The following PPIG variants were observed in gnomAD, a reference collection of about 807,000 sequenced individuals.
The protein encoded by PPIG is peptidyl-prolyl cis-trans isomerase G.
PPIG carries 26 observed loss-of-function variants against 87.9 expected under a neutral mutation model. The ratio of observed to expected loss-of-function variants is 0.30; its 90% CI spans 0.22 to 0.41. PPIG has a LOEUF of 0.41. PPIG is among the 10% of genes least tolerant of loss of function. The pLI, the probability that PPIG is intolerant of heterozygous loss-of-function variation, is 1.00. For synonymous variants in PPIG, 308 were observed against 276.5 expected (o/e 1.11, Z -1.13); for missense variants, 722 against 879.4 (o/e 0.82, Z 2.26).
At chr2:169,594,762 T>TACAGG in intron 1 of PPIG, among the ~76,000 whole-genome samples, 1 of 150,812 alleles carries the variant, frequency 6.6e-6, no homozygotes, top group Non-Finnish European at 1.5e-5. Flanking sequence ...GTAGCTGGGA[T>TACAGG]TACAGGTGCA....
intron 9 of PPIG, among the ~76,000 whole-genome samples, chr2:169,630,154 T>A (rs1457915294): frequency 6.8e-6 from 1 of 147,846 alleles, no homozygotes; most frequent in African/African-American, 2.5e-5. Flanking sequence ...TTTTTTTTTT[T>A]ACCCTTTTTA....
chr2:169,617,978 T>G (rs918051165), intron 9 of PPIG, among the ~76,000 whole-genome samples: 1 of 151,994 alleles, frequency 6.6e-6, no homozygotes, highest in African/African-American at 2.4e-5. Flanking sequence ...CAGTATGTAT[T>G]AGCTGTGGGT....
At chr2:169,599,009 A>G (rs1685103505) in intron 1 of PPIG, among the ~76,000 whole-genome samples, 1 of 151,890 alleles carries the variant, frequency 6.6e-6, no homozygotes, top group South Asian at 2.1e-4. Flanking sequence ...ATTATGGTAC[A>G]TTGAATAACC....
intron 1 of PPIG, among the ~76,000 whole-genome samples, chr2:169,601,625 T>G (rs1400812056): frequency 1.3e-5 from 2 of 151,974 alleles, no homozygotes; most frequent in Non-Finnish European, 2.9e-5. Flanking sequence ...GAACAGCAAA[T>G]GTAAAGGACC....
intron 2 of PPIG, 143 bp from the exon 3 acceptor site, chr2:169,603,883 A>C: frequency 1.5e-6 from 1 of 652,592 alleles, no homozygotes; most frequent in Non-Finnish European, 2.6e-6. Context: ...CTAATAATCC[A>C]TGTGATTTAC....
chr2:169,606,711 T>A (rs933214549), intron 5 of PPIG, among the ~76,000 whole-genome samples: 1 of 151,942 alleles, frequency 6.6e-6, no homozygotes, highest in Non-Finnish European at 1.5e-5. Context: ...ATCTGTCAAG[T>A]GTTTCTGTTT....
chr2:169,600,023 C>G (rs1685133938), intron 1 of PPIG, among the ~76,000 whole-genome samples: 1 of 151,294 alleles, frequency 6.6e-6, no homozygotes, highest in East Asian at 1.9e-4. Context: ...TTCGCAAGTA[C>G]TTTTCTTAGT....
intron 10 of PPIG, 87 bp downstream of exon 10, chr2:169,631,074 CTG>C: frequency 1.7e-6 from 2 of 1,208,532 alleles, no homozygotes; most frequent in Non-Finnish European, 2.3e-6. Context: ...TTATATGAAA[CTG>C]TTAAAATAGT....
At chr2:169,610,959 A>G (rs1053230598) in intron 7 of PPIG, among the ~76,000 whole-genome samples, 8 of 152,200 alleles carry the variant, frequency 5.3e-5, no homozygotes, top group Admixed American at 3.3e-4. Context: ...TAATCCCAAC[A>G]CTTTGGGAAG....
At chr2:169,587,115 T>A (rs547329889) in intron 1 of PPIG, among the ~76,000 whole-genome samples, 1 of 151,996 alleles carries the variant, frequency 6.6e-6, no homozygotes, top group African/African-American at 2.4e-5. Flanking sequence ...ATATTTTTAG[T>A]AGAGAAGGGG....
chr2:169,618,857 T>TG (rs1479249130), intron 9 of PPIG, among the ~76,000 whole-genome samples: 1 of 151,850 alleles, frequency 6.6e-6, no homozygotes, highest in Non-Finnish European at 1.5e-5. Context: ...TTTTTGTTTC[T>TG]CTTATTTCCT....
At chr2:169,628,724 G>T (rs567852436) in intron 9 of PPIG, among the ~76,000 whole-genome samples, 1 of 152,128 alleles carries the variant, frequency 6.6e-6, no homozygotes, top group Admixed American at 6.6e-5. Flanking sequence ...AAGATCCCTT[G>T]AGCCCAGGAG....
chr2:169,633,270 A>G, intron 12 of PPIG, 23 bp downstream of exon 12: 1 of 1,464,336 alleles, frequency 6.8e-7, no homozygotes, highest in East Asian at 2.3e-5. Flanking sequence ...TTCCCCAGAG[A>G]TCTTCACAAT....
rs7592946 is a variant in PPIG, at chr2:169,610,787, C to T, written c.377+2029C>T. On this transcript the variant is annotated intron_variant, in intron 7 of 13. Transcript: ENST00000260970. The stretch of plus-strand genomic sequence containing the variant: ...CTTAACAGTATATCCTTAAAATACT[C>T]CATAACAGTTTATAGAGATCATTCT... Among the ~76,000 whole-genome samples the T allele has an allele frequency of 3.3e-5, 5 of 152,338 alleles. No homozygotes were observed. In the East Asian group the frequency reaches 9.6e-4, roughly 29 times the overall value.
intron 7 of PPIG, among the ~76,000 whole-genome samples, chr2:169,614,252 A>G (rs1685559610): frequency 1.3e-5 from 2 of 152,236 alleles, no homozygotes; most frequent in Non-Finnish European, 2.9e-5. Flanking sequence ...TGCTTTTATA[A>G]TTAGAACAAG....
intron 9 of PPIG, among the ~76,000 whole-genome samples, chr2:169,624,124 A>T (rs1685823518): frequency 6.6e-6 from 1 of 151,992 alleles, no homozygotes; most frequent in Non-Finnish European, 1.5e-5. Flanking sequence ...GCATTGCCAC[A>T]CCTGGCTAAT....
At chr2:169,584,629 C>G (rs970840279) in intron 1 of PPIG, 139 bp downstream of exon 1, 1 of 421,380 alleles carries the variant, frequency 2.4e-6, no homozygotes, top group African/African-American at 2.1e-5. Context: ...CTCGAGGTAT[C>G]GGGGCTGCTT....
At chr2:169,631,482 A>G in intron 10 of PPIG, 1 of 827,668 alleles carries the variant, frequency 1.2e-6, no homozygotes, top group Non-Finnish European at 1.6e-6. Flanking sequence ...AGTATTTTAA[A>G]TTTATCAGAG....
At chr2:169,603,363 GTATCTCTTTGGTATTTTTTGTGTC>G (rs1685235494) in intron 1 of PPIG, among the ~76,000 whole-genome samples, 1 of 152,078 alleles carries the variant, frequency 6.6e-6, no homozygotes, top group African/African-American at 2.4e-5. Context: ...GTTACACAGA[GTATCTCTTTGGTATTTTTTGTGTC>G]TATACCAGCA....
Sources: gnomAD v4.1 joint callset for allele counts (sites outside exome capture counted in the v4.1 genomes callset) on GRCh38, gnomAD v4.1.1 for gene constraint, MANE v1.5 for transcripts, NCBI Gene and HGNC (gene_info 2026-07-23, HGNC 2026-07-21) for gene names.